MAP2K1: variants seen among roughly 807,000 people sequenced by gnomAD.
The protein encoded by MAP2K1 is dual specificity mitogen-activated protein kinase kinase 1.
In MAP2K1, 16 loss-of-function variants were observed where a neutral mutation model predicts 46.3. The ratio of observed to expected loss-of-function variants is 0.35; its 90% confidence interval spans 0.23 to 0.52. The LOEUF is 0.52. MAP2K1 is among the 20% of genes least tolerant of loss of function. The pLI is 0.94. For synonymous variants in MAP2K1, 183 were observed against 185.6 expected (o/e 0.99, Z 0.11); for missense variants, 263 against 497.1 (o/e 0.53, Z 4.48).
chr15:66,397,832 G>A (rs2093371916), intron 1 of MAP2K1, among the ~76,000 whole-genome samples: 1 of 152,146 alleles, frequency 6.6e-6, no homozygotes, highest in Non-Finnish European at 1.5e-5. Context: ...GGCCATTTGC[G>A]GTGGCTCACG....
intron 1 of MAP2K1, among the ~76,000 whole-genome samples, chr15:66,416,444 A>T (rs1235890860): frequency 1.3e-5 from 2 of 151,692 alleles, no homozygotes; most frequent in African/African-American, 4.9e-5. Flanking sequence ...AGCCTCTAGT[A>T]TACATAGTGC....
intron 5 of MAP2K1, among the ~76,000 whole-genome samples, chr15:66,479,035 C>G (rs1271650737): frequency 6.6e-6 from 1 of 151,592 alleles, no homozygotes; most frequent in African/African-American, 2.4e-5. Context: ...CTGCTTTCAG[C>G]TTTACCCAGT....
At chr15:66,457,797 A>C (rs979711565) in intron 5 of MAP2K1, among the ~76,000 whole-genome samples, 2 of 151,944 alleles carry the variant, frequency 1.3e-5, no homozygotes, top group African/African-American at 4.8e-5. Flanking sequence ...CCCCGTCTCT[A>C]CTAAAAATAC....
Position 66,392,263 on chromosome 15 carries a change from T to TTTG in MAP2K1, c.80+4838_80+4839insGTT, listed in dbSNP as rs1254975058. 8.3e-3 allele frequency among the ~76,000 whole-genome samples: 921 copies of TTTG among 111,310 alleles called. 12 individuals are homozygous for TTTG. The highest frequency in any genetic ancestry group is 0.014 in the Non-Finnish European group (730 of 51,128). The allele number at this position is 111,310 out of a possible 152,430, so 73.0% of individuals were successfully genotyped here. ...TTGTGTGTTTTTTTTGGGTTTTTTT[T>TTTG]TTTTTTTTTTTTTTTTAAGAAAGGG... On this transcript the variant is annotated intron_variant, in intron 1 of 10. Coordinates refer to ENST00000307102, the MANE Select transcript of MAP2K1 (RefSeq NM_002755.4).
At chr15:66,399,539 C>A (rs924930859) in intron 1 of MAP2K1, among the ~76,000 whole-genome samples, 1 of 151,320 alleles carries the variant, frequency 6.6e-6, no homozygotes, top group Non-Finnish European at 1.5e-5. Context: ...GCAGCCTCAC[C>A]GTCTGGGCTC....
rs949008242 is a variant in MAP2K1 at position 66,462,467 on chromosome 15, A to G, written c.568+17760A>G. ...AGCCGAGATCGCACCAGTGCACTCC[A>G]CCCTGGGCGACAGAGCAAGACTCTG... On this transcript the variant is annotated intron_variant, in intron 5 of 10. Transcript: ENST00000307102. 2.2e-5 allele frequency among the ~76,000 whole-genome samples: 3 copies of G among 135,742 alleles called. No individual in the cohort carries two copies. The East Asian group carries it at 6.5e-4, about 30-fold the overall frequency. 89.1% of individuals were successfully genotyped at this position (135,742 alleles called of 152,430 possible).
intron 5 of MAP2K1, among the ~76,000 whole-genome samples, chr15:66,446,931 A>G (rs935653675): frequency 3.3e-5 from 5 of 152,168 alleles, no homozygotes; most frequent in African/African-American, 1.2e-4. Flanking sequence ...TGCATTTTAT[A>G]GTATGTAAAT....
intron 1 of MAP2K1, among the ~76,000 whole-genome samples, chr15:66,420,456 G>A (rs1363188888): frequency 6.6e-6 from 1 of 151,274 alleles, no homozygotes; most frequent in Non-Finnish European, 1.5e-5. Flanking sequence ...CAAACGCTGA[G>A]GTGGGAGGAT....
At chr15:66,399,346 T>G (rs940824260) in intron 1 of MAP2K1, among the ~76,000 whole-genome samples, 5 of 152,254 alleles carry the variant, frequency 3.3e-5, no homozygotes, top group African/African-American at 1.2e-4. Flanking sequence ...TTATGTACTT[T>G]AATGTCAACT....
intron 5 of MAP2K1, among the ~76,000 whole-genome samples, chr15:66,470,858 A>G (rs1449608200): frequency 2.0e-5 from 3 of 152,202 alleles, no homozygotes; most frequent in Non-Finnish European, 2.9e-5. Flanking sequence ...TCCTGATGAT[A>G]TGTGCCCAAG....
At chr15:66,399,983 A>G (rs1367447005) in intron 1 of MAP2K1, among the ~76,000 whole-genome samples, 2 of 152,128 alleles carry the variant, frequency 1.3e-5, no homozygotes, top group African/African-American at 4.8e-5. Context: ...CTTCTTGCAT[A>G]AGTACTTTAT....
chr15:66,464,229 C>G (rs1034706287), intron 5 of MAP2K1, among the ~76,000 whole-genome samples: 3 of 152,114 alleles, frequency 2.0e-5, no homozygotes, highest in African/African-American at 4.8e-5. Context: ...TCCCAAGTTA[C>G]TAGGAAAGCT....
intron 1 of MAP2K1, among the ~76,000 whole-genome samples, chr15:66,413,249 A>G (rs546900922): frequency 6.6e-6 from 1 of 152,114 alleles, no homozygotes; most frequent in African/African-American, 2.4e-5. Flanking sequence ...ACTGAACCCT[A>G]AATATCCTGA....
chr15:66,461,851 A>ATC (rs1304379633), intron 5 of MAP2K1, among the ~76,000 whole-genome samples: 5 of 152,126 alleles, frequency 3.3e-5, no homozygotes, highest in Non-Finnish European at 7.3e-5. Context: ...TTCCTGGGTG[A>ATC]TCCTGGCAGA....
chr15:66,413,231 T>C (rs1347029678), intron 1 of MAP2K1, among the ~76,000 whole-genome samples: 1 of 152,158 alleles, frequency 6.6e-6, no homozygotes, highest in African/African-American at 2.4e-5. Flanking sequence ...GATGTCAGGC[T>C]GCTCTTTACT....
At chr15:66,480,929 G>A (rs1892898698) in intron 5 of MAP2K1, among the ~76,000 whole-genome samples, 1 of 152,182 alleles carries the variant, frequency 6.6e-6, no homozygotes, top group East Asian at 1.9e-4. Context: ...ACAGTTGTAT[G>A]AATCAGAGGA....
chr15:66,463,479 G>C (rs1460107486), intron 5 of MAP2K1, among the ~76,000 whole-genome samples: 2 of 138,902 alleles, frequency 1.4e-5, no homozygotes, highest in African/African-American at 5.5e-5. Flanking sequence ...GTCAGGGCAG[G>C]GGTTTTTTCA....
rs563152334 is a variant in MAP2K1 at position 66,487,114 on chromosome 15, T to C, written c.896-114T>C. 24 of 839,320 alleles carry C rather than the reference T, an allele frequency of 2.9e-5. No individual in the cohort carries two copies. The African/African-American group carries it at 3.4e-4, about 12-fold the overall frequency. The allele number at this position is 839,320 out of a possible 1,614,324, so 52.0% of individuals were successfully genotyped here. On this transcript the variant is annotated intron_variant, in intron 7 of 10. Coordinates refer to ENST00000307102, the MANE Select transcript of MAP2K1 (RefSeq NM_002755.4). ...TCAAGCCTTATCTGTGGCTGTTTAA[T>C]GTTTATTGTCCATGACCCTGTTCTG...
intron 1 of MAP2K1, among the ~76,000 whole-genome samples, chr15:66,424,563 G>C (rs950663360): frequency 6.6e-6 from 1 of 152,026 alleles, no homozygotes. Context: ...TCCAGTAATG[G>C]GTTTTTATCT....
Sources: gnomAD v4.1 joint callset for allele counts (sites outside exome capture counted in the v4.1 genomes callset) on GRCh38, gnomAD v4.1.1 for gene constraint, MANE v1.5 for transcripts, NCBI Gene and HGNC (gene_info 2026-07-23, HGNC 2026-07-21) for gene names.